Variants in DENND1B observed in about 807,000 individuals in gnomAD.
DENND1B encodes the protein DENN domain containing 1B.
Under a neutral mutation model 90.1 loss-of-function variants are expected in DENND1B, and 59 were observed. That is an observed-to-expected ratio of 0.65 (90% CI 0.53 to 0.81). The LOEUF (loss-of-function observed/expected upper bound fraction) is 0.81, where lower values mean the gene tolerates loss of function less well. DENND1B is among the 40% of genes least tolerant of loss of function. The pLI, the probability that DENND1B is intolerant of heterozygous loss-of-function variation, is 0.00. For synonymous variants in DENND1B, 337 were observed against 324.6 expected (o/e 1.04, Z -0.41); for missense variants, 862 against 912.6 (o/e 0.94, Z 0.71).
chr1:197,692,518 T>C (rs1330401232), intron 3 of DENND1B, among the ~76,000 whole-genome samples: 1 of 151,866 alleles, frequency 6.6e-6, no homozygotes, highest in Non-Finnish European at 1.5e-5. Context: ...TAATTTAATA[T>C]TTTGTTACTT....
intron 3 of DENND1B, among the ~76,000 whole-genome samples, chr1:197,700,442 C>T (rs1658907546): frequency 1.3e-5 from 2 of 152,106 alleles, no homozygotes; most frequent in Non-Finnish European, 2.9e-5. Flanking sequence ...CACTGCCTTA[C>T]ACCTTATACA....
Position 197,674,111 on chromosome 1 carries a change from A to G in DENND1B, c.176+9T>C. The G allele has an allele frequency of 6.3e-7, 1 of 1,579,376 alleles. No homozygotes were observed. ...TCTACATTTATTTTAAATGATACTT[A>G]TACTGTACCTTTCAACGTCAAAGGG... On this transcript the variant is annotated intron_variant, in intron 4 of 22. Transcript: ENST00000620048.
rs146328450 is a variant in DENND1B at position 197,689,239 on chromosome 1, A to G, written c.127-15070T>C. On this transcript the variant is annotated intron_variant, in intron 3 of 22. Transcript: ENST00000620048. ...AGGGAGGAACAAAGTCATGTCTTAC[A>G]TGGCAGCAGGCAAAGAGAGAAAGAG... is the stretch of plus-strand genomic sequence containing the variant. Among the ~76,000 whole-genome samples, 22 of 152,196 alleles carry G rather than the reference A, an allele frequency of 1.4e-4. No individual in the cohort carries two copies. The East Asian group carries it at 3.5e-3, about 24-fold the overall frequency.
At chr1:197,569,671 T>G (rs1211612997) in intron 15 of DENND1B, among the ~76,000 whole-genome samples, 1 of 151,898 alleles carries the variant, frequency 6.6e-6, no homozygotes, top group Non-Finnish European at 1.5e-5. Context: ...TGGAGGACAT[T>G]ATGCTAAGTA....
At chr1:197,552,126 T>A in intron 16 of DENND1B, 1 of 727,914 alleles carries the variant, frequency 1.4e-6, no homozygotes. Context: ...TGTCTTTTCA[T>A]GTGTCATTTC....
chr1:197,707,220 GAAGTAGAGT>G (rs1659631878), intron 3 of DENND1B, among the ~76,000 whole-genome samples: 2 of 152,116 alleles, frequency 1.3e-5, no homozygotes, highest in Non-Finnish European at 2.9e-5. Flanking sequence ...TGATCTCATA[GAAGTAGAGT>G]AGAATAGTGG....
At chr1:197,731,563 C>T (rs114702509) in intron 2 of DENND1B, among the ~76,000 whole-genome samples, 1,535 of 152,240 alleles carry the variant, frequency 0.01, 26 homozygotes, top group African/African-American at 0.034. Flanking sequence ...ATACTGAAGT[C>T]AAACTTCATA....
intron 17 of DENND1B, 85 bp downstream of exon 17, chr1:197,546,648 G>T: frequency 9.3e-7 from 1 of 1,078,224 alleles, no homozygotes; most frequent in Non-Finnish European, 1.3e-6. Flanking sequence ...CAAATAAACA[G>T]CATAAGTATA....
chr1:197,574,045 G>C (rs1201060062), intron 15 of DENND1B, among the ~76,000 whole-genome samples: 1 of 152,122 alleles, frequency 6.6e-6, no homozygotes, highest in East Asian at 1.9e-4. Context: ...TACAAGACAA[G>C]GATGCCCTCT....
intron 2 of DENND1B, among the ~76,000 whole-genome samples, chr1:197,724,070 G>C (rs1478226080): frequency 6.6e-6 from 1 of 152,006 alleles, no homozygotes; most frequent in East Asian, 1.9e-4. Flanking sequence ...AAGCTTTCTT[G>C]CTTGATATAA....
intron 5 of DENND1B, among the ~76,000 whole-genome samples, chr1:197,665,438 G>A (rs764753922): frequency 3.3e-5 from 5 of 152,072 alleles, no homozygotes; most frequent in Non-Finnish European, 1.5e-5. Context: ...AGTTTTTTGG[G>A]TTTTTTAAAA....
intron 15 of DENND1B, among the ~76,000 whole-genome samples, chr1:197,563,595 GA>G (rs1307093267): frequency 6.6e-6 from 1 of 151,904 alleles, no homozygotes; most frequent in Non-Finnish European, 1.5e-5. Context: ...ACTCTAATGA[GA>G]TATAAAAGGA....
At chr1:197,654,662 T>C (rs774213811) in intron 6 of DENND1B, among the ~76,000 whole-genome samples, 36 of 152,096 alleles carry the variant, frequency 2.4e-4, no homozygotes, top group Admixed American at 2.0e-3. Flanking sequence ...TCAAACCACA[T>C]TGCCAAAAGT....
At chr1:197,700,420 C>T (rs769051459) in intron 3 of DENND1B, among the ~76,000 whole-genome samples, 1 of 152,138 alleles carries the variant, frequency 6.6e-6, no homozygotes, top group Non-Finnish European at 1.5e-5. Context: ...ATGCAGAAAA[C>T]TGAAACTGGA....
chr1:197,699,920 T>C (rs1035760845), intron 3 of DENND1B, among the ~76,000 whole-genome samples: 5 of 152,068 alleles, frequency 3.3e-5, no homozygotes, highest in African/African-American at 1.2e-4. Flanking sequence ...GAAGGACCTC[T>C]TCAAGGAGAA....
chr1:197,745,615 A>ATT (rs1199139995), intron 2 of DENND1B, among the ~76,000 whole-genome samples: 2,789 of 119,252 alleles, frequency 0.023, 62 homozygotes, highest in African/African-American at 0.079. Context: ...CCATATATAT[A>ATT]TTATATATAT....
chr1:197,541,670 G>A (rs763681894), intron 18 of DENND1B, among the ~76,000 whole-genome samples: 3 of 152,124 alleles, frequency 2.0e-5, no homozygotes, highest in Non-Finnish European at 4.4e-5. Context: ...TGTTCCACTA[G>A]AAATTCCTAC....
chr1:197,652,382 T>C (rs1291055408), intron 6 of DENND1B, 67 bp from the exon 7 acceptor site: 4 of 1,260,558 alleles, frequency 3.2e-6, no homozygotes, highest in Non-Finnish European at 4.4e-6. Flanking sequence ...TTAAAACTAT[T>C]TGATAAAATA....
At chr1:197,697,735 C>G (rs1257997921) in intron 3 of DENND1B, among the ~76,000 whole-genome samples, 1 of 151,516 alleles carries the variant, frequency 6.6e-6, no homozygotes, top group Admixed American at 6.6e-5. Context: ...ATTTACCAAG[C>G]AAATGGAAAG....
Sources: allele counts gnomAD v4.1 joint callset (sites outside exome capture counted in the v4.1 genomes callset), GRCh38; gene constraint gnomAD v4.1.1; transcripts MANE v1.5; gene names NCBI Gene and HGNC (gene_info 2026-07-23, HGNC 2026-07-21).